The following ACSM6 variants were observed in gnomAD, a reference collection of about 807,000 sequenced individuals.
ACSM6 encodes the protein acyl-CoA synthetase medium chain family member 6, also known as acyl-coenzyme A synthetase ACSM6, mitochondrial.
Under a neutral mutation model 51.1 loss-of-function variants are expected in ACSM6, and 35 were observed. The ratio of observed to expected loss-of-function variants is 0.69; its 90% CI spans 0.52 to 0.91. The LOEUF is 0.91. ACSM6 is among the 40% of genes least tolerant of loss of function. ACSM6 has a pLI of 0.00. For synonymous variants in ACSM6, 172 were observed against 207.3 expected, an observed-to-expected ratio of 0.83 and a Z score of 1.46; for missense variants, 509 against 584.1, an observed-to-expected ratio of 0.87 and a Z score of 1.32.
At chr10:95,214,783 C>A in intron 7 of ACSM6, 69 bp from the exon 8 acceptor site, 1 of 1,497,808 alleles carries the variant, frequency 6.7e-7, no homozygotes. Context: ...TTCCAAGATT[C>A]TTTCTAACAG....
chr10:95,212,815 C>A (rs779912393), intron 6 of ACSM6, 43 bp from the exon 7 acceptor site: 3 of 1,466,538 alleles, frequency 2.0e-6, no homozygotes, highest in South Asian at 1.1e-5. Context: ...CTGTCTCTCC[C>A]ACCTCACATG....
At chr10:95,201,291 A>C in intron 2 of ACSM6, 1 of 365,394 alleles carries the variant, frequency 2.7e-6, no homozygotes, top group South Asian at 2.0e-5. Context: ...CATAGTACCA[A>C]ATAGGTAATT....
At chr10:95,227,733 G>T (rs945801882) in intron 10 of ACSM6, among the ~76,000 whole-genome samples, 1 of 152,166 alleles carries the variant, frequency 6.6e-6, no homozygotes, top group African/African-American at 2.4e-5. Context: ...TAAGAATCTG[G>T]ACACATTGGT....
At chr10:95,212,026 G>C (rs778695444) in exon 6 of ACSM6, 146 of 1,613,986 alleles carry the variant, frequency 9.0e-5, no homozygotes, top group Non-Finnish European at 1.2e-4. Flanking sequence ...CCCTGAGACT[G>C]TTCTAAATGT....
intron 10 of ACSM6, 195 bp from the exon 11 acceptor site, chr10:95,228,449 A>AT: frequency 8.2e-6 from 4 of 486,012 alleles, no homozygotes; most frequent in East Asian, 6.8e-5. Context: ...AAAAAAAAAA[A>AT]GCTGAAGTTA....
At chr10:95,215,553 G>A (rs1183048300) in intron 8 of ACSM6, among the ~76,000 whole-genome samples, 1 of 152,150 alleles carries the variant, frequency 6.6e-6, no homozygotes, top group Admixed American at 6.5e-5. Context: ...AAGGGATATA[G>A]GGATATTGGC....
intron 2 of ACSM6, among the ~76,000 whole-genome samples, chr10:95,195,926 G>C (rs2133366825): frequency 6.6e-6 from 1 of 152,098 alleles, no homozygotes; most frequent in Middle Eastern, 3.4e-3. Flanking sequence ...CCTTGAAAAG[G>C]TTTGAGGCAT....
intron 9 of ACSM6, among the ~76,000 whole-genome samples, chr10:95,223,455 C>T (rs2035012442): frequency 6.6e-6 from 1 of 152,016 alleles, no homozygotes; most frequent in South Asian, 2.1e-4. Context: ...ACCAGCCAAC[C>T]TAACAAGGAA....
rs376973352 is a variant in ACSM6, at chr10:95,228,764, G to A, written c.1423G>A (p.Ala475Thr). 5.9e-5 allele frequency: 92 copies of A among 1,551,430 alleles called. No individual in the cohort carries two copies. The highest frequency in any genetic ancestry group is 7.3e-5 in the Non-Finnish European group (84 of 1,146,896). The change falls in exon 11 of 11, where the codon GCA becomes ACA. Residue 475 changes from alanine to threonine, a missense_variant. Transcript: ENST00000341686. ...TGGTAGAGTTGATGATGTTGCCAAT[G>A]CATTGGGTCAGAGATTGTGAATGCT...
In ACSM6 at chr10:95,210,798, G is replaced by A. The variant is rs201542854; in HGVS notation, c.755+5G>A. On this transcript the variant is annotated splice_donor_5th_base_variant and intron_variant, in intron 5 of 10. Coordinates refer to ENST00000341686, the Ensembl canonical transcript of ACSM6. ...GGGATTCAGCCAGGCTTCCAGGTAC[G>A]GTTCTCGCACAGCCTGTACAGGCCT... The A allele has an allele frequency of 4.3e-4, 686 of 1,612,960 alleles. No individual in the cohort carries two copies. Among genetic ancestry groups the A allele is most frequent in the Non-Finnish European group, 4.7e-4 (557 of 1,179,418 alleles).
chr10:95,219,859 A>G (rs745318630), intron 8 of ACSM6, 32 bp from the exon 9 acceptor site: 3 of 1,561,896 alleles, frequency 1.9e-6, no homozygotes, highest in Admixed American at 1.7e-5. Flanking sequence ...TTGCTTTTTT[A>G]AAGAAAAACT....
At chr10:95,225,377 T>C in exon 10 of ACSM6, 1 of 1,549,778 alleles carries the variant, frequency 6.5e-7, no homozygotes, top group Non-Finnish European at 8.7e-7. Context: ...TGCTTCTCTG[T>C]ACTGTCCACA....
intron 9 of ACSM6, among the ~76,000 whole-genome samples, chr10:95,223,159 G>GACACACACAC (rs10572248): frequency 6.8e-6 from 1 of 146,798 alleles, no homozygotes; most frequent in South Asian, 2.2e-4. Flanking sequence ...CACACATACA[G>GACACACACAC]ACACACACAC....
chr10:95,201,384 A>G, intron 2 of ACSM6: 1 of 431,194 alleles, frequency 2.3e-6, no homozygotes, highest in South Asian at 1.7e-5. Flanking sequence ...TTTAACTCCC[A>G]CTTATAAGTG....
intron 7 of ACSM6, among the ~76,000 whole-genome samples, chr10:95,213,465 G>A (rs1459094098): frequency 6.6e-6 from 1 of 152,012 alleles, no homozygotes; most frequent in African/African-American, 2.4e-5. Context: ...ATTGGGGTGG[G>A]ATTATATAGA....
intron 2 of ACSM6, among the ~76,000 whole-genome samples, chr10:95,197,843 G>C (rs1589489283): frequency 6.6e-6 from 1 of 152,350 alleles, no homozygotes; most frequent in East Asian, 1.9e-4. Flanking sequence ...TATCACATGG[G>C]GAGAAACCTT....
At chr10:95,196,730 T>C (rs2133367556) in intron 2 of ACSM6, among the ~76,000 whole-genome samples, 1 of 152,330 alleles carries the variant, frequency 6.6e-6, no homozygotes, top group Non-Finnish European at 1.5e-5. Flanking sequence ...GCTGTGGAAA[T>C]AACATGATGT....
At chr10:95,194,671 G>A (rs1252511029) in exon 2 of ACSM6, 19 of 1,551,108 alleles carry the variant, frequency 1.2e-5, no homozygotes, top group Non-Finnish European at 1.7e-5. Flanking sequence ...GGTCCCAGCT[G>A]GAAAAGGTAA....
Position 95,194,304 on chromosome 10 carries a change from G to C in ACSM6, c.-22+1G>C, listed in dbSNP as rs1469970551. The C allele has an allele frequency of 1.3e-5, 7 of 554,688 alleles. No individual in the cohort carries two copies. Among genetic ancestry groups the C allele is most frequent in the East Asian group, 2.8e-5 (1 of 35,464 alleles). The allele number at this position is 554,688 out of a possible 1,614,324, so 34.4% of individuals were successfully genotyped here. Reference sequence around the variant, plus strand: ...CCCATAGAAACTCCTCTTGGAATTGGTAAGTATCTGTGCTCATGGGCTTCT... The same window carrying C: ...CCCATAGAAACTCCTCTTGGAATTGCTAAGTATCTGTGCTCATGGGCTTCT... On this transcript the variant is annotated splice_donor_variant, in intron 1 of 10. Coordinates refer to ENST00000341686, the Ensembl canonical transcript of ACSM6. LOFTEE classifies it low-confidence loss of function (5UTR_SPLICE).
Sources: gnomAD v4.1 joint callset for allele counts (sites outside exome capture counted in the v4.1 genomes callset) on GRCh38, gnomAD v4.1.1 for gene constraint, MANE v1.5 for transcripts, NCBI Gene and HGNC (gene_info 2026-07-23, HGNC 2026-07-21) for gene names.